The following KDM6A variants were observed in gnomAD, a reference collection of about 807,000 sequenced individuals.
The protein encoded by KDM6A is lysine-specific demethylase 6A.
Under a neutral mutation model 117.6 loss-of-function variants are expected in KDM6A, and 11 were observed. That is an observed-to-expected ratio of 0.09 (90% CI 0.06 to 0.15). The LOEUF is 0.15. KDM6A is among the 10% of genes least tolerant of loss of function. The pLI is 1.00. For missense variants in KDM6A, 799 were observed against 1,077.3 expected, an observed-to-expected ratio of 0.74 and a Z score of 3.62; for synonymous variants, 384 against 396.1, an observed-to-expected ratio of 0.97 and a Z score of 0.36.
intron 3 of KDM6A, among the ~76,000 whole-genome samples, chrX:44,972,747 C>CA (rs1288578975): frequency 9.0e-6 from 1 of 111,009 alleles, no homozygotes; most frequent in Non-Finnish European, 1.9e-5. Context: ...AGAAGTAAAT[C>CA]AAATCAGGCC....
intron 2 of KDM6A, among the ~76,000 whole-genome samples, chrX:44,900,370 C>T: frequency 8.9e-6 from 1 of 111,917 alleles, no homozygotes; most frequent in Admixed American, 9.5e-5. Flanking sequence ...CATTAGTCTT[C>T]CTTAGGCAGG....
intron 18 of KDM6A, among the ~76,000 whole-genome samples, chrX:45,074,135 C>T (rs762357984): frequency 8.9e-4 from 100 of 111,757 alleles, no homozygotes; most frequent in Middle Eastern, 4.7e-3. Context: ...ATAGGGAATC[C>T]TTTCCTCATT....
At chrX:45,052,195 G>A (rs1258586478) in intron 9 of KDM6A, among the ~76,000 whole-genome samples, 1 of 112,075 alleles carries the variant, frequency 8.9e-6, no homozygotes, top group Non-Finnish European at 1.9e-5. Flanking sequence ...AAAAACTGTA[G>A]AACGTCTAAC....
rs759967946 is a variant in KDM6A at position 44,958,388 on chromosome X, T to C, written c.226-2896T>C. The stretch of plus-strand genomic sequence containing the variant: ...TAGTAGAGACACAGTTTCACTGTGA[T>C]AGCCAGGATGGTCTCCATCTCCTGA... On this transcript the variant is annotated intron_variant, in intron 2 of 29. Transcript: ENST00000611820. 4.6e-5 allele frequency among the ~76,000 whole-genome samples: 5 copies of C among 109,460 alleles called. No homozygotes were observed. In the South Asian group the frequency reaches 2.0e-3, roughly 43 times the overall value.
intron 24 of KDM6A, among the ~76,000 whole-genome samples, chrX:45,083,940 A>G (rs2045536220): frequency 8.9e-6 from 1 of 111,918 alleles, no homozygotes; most frequent in Admixed American, 9.5e-5. Context: ...TTTTCTTTTA[A>G]CCCAAGTAAC....
chrX:45,016,231 A>T (rs2041952735), intron 5 of KDM6A, among the ~76,000 whole-genome samples: 1 of 111,276 alleles, frequency 9.0e-6, no homozygotes, highest in African/African-American at 3.3e-5. Flanking sequence ...CCCTTACTTC[A>T]TCAAATGTTT....
At chrX:44,906,094 C>T (rs1177609473) in intron 2 of KDM6A, among the ~76,000 whole-genome samples, 1 of 111,307 alleles carries the variant, frequency 9.0e-6, no homozygotes, top group Non-Finnish European at 1.9e-5. Flanking sequence ...ATTTGATGTC[C>T]CTCAACATTT....
At chrX:44,897,255 A>C (rs1257685179) in intron 2 of KDM6A, among the ~76,000 whole-genome samples, 1 of 91,119 alleles carries the variant, frequency 1.1e-5, no homozygotes, top group African/African-American at 4.3e-5. Flanking sequence ...TCATTCAAAG[A>C]GTTTTTATTT....
In KDM6A at chrX:45,010,946, T is replaced by C. The variant is rs2147586647; in HGVS notation, c.385-15T>C. 8.5e-6 allele frequency: 10 copies of C among 1,174,246 alleles called. No individual in the cohort carries two copies. The highest frequency in any genetic ancestry group is 1.2e-5 in the Non-Finnish European group (10 of 862,552). On this transcript the variant is annotated splice_polypyrimidine_tract_variant and intron_variant, in intron 4 of 29. Coordinates refer to ENST00000611820, the MANE Select transcript of KDM6A (RefSeq NM_001291415.2). ...CAAGTATTTTTCCTAAAAATCTTTT[T>C]CCCTTCCTTTACAGAATGCTGCCTT...
intron 2 of KDM6A, among the ~76,000 whole-genome samples, chrX:44,918,394 A>G (rs1456648616): frequency 1.8e-5 from 2 of 110,966 alleles, no homozygotes; most frequent in African/African-American, 6.5e-5. Flanking sequence ...TTTGCATATT[A>G]TCTCTTTTGG....
chrX:44,973,910 C>A (rs1197261824), intron 3 of KDM6A, among the ~76,000 whole-genome samples: 1 of 110,768 alleles, frequency 9.0e-6, no homozygotes, highest in Non-Finnish European at 1.9e-5. Flanking sequence ...CCTTTTCATC[C>A]CCCTCAATGA....
chrX:45,019,967 G>A (rs1325332733), intron 5 of KDM6A, among the ~76,000 whole-genome samples: 1 of 110,818 alleles, frequency 9.0e-6, no homozygotes, highest in Non-Finnish European at 1.9e-5. Context: ...GAAGAAAAGC[G>A]GAATGGAATA....
At chrX:44,928,258 A>G (rs190257997) in intron 2 of KDM6A, among the ~76,000 whole-genome samples, 2 of 111,985 alleles carry the variant, frequency 1.8e-5, no homozygotes, top group East Asian at 5.6e-4. Flanking sequence ...TTCTTAGGAA[A>G]TGCATGCTGG....
chrX:45,006,166 C>G (rs1411483475), intron 4 of KDM6A, among the ~76,000 whole-genome samples: 2 of 86,722 alleles, frequency 2.3e-5, no homozygotes, highest in Admixed American at 1.2e-4. Context: ...GCCCTGCGCC[C>G]CCCCCCGCCG....
At chrX:45,045,084 T>C (rs2043469214) in intron 8 of KDM6A, among the ~76,000 whole-genome samples, 1 of 112,132 alleles carries the variant, frequency 8.9e-6, no homozygotes, top group Admixed American at 9.5e-5. Flanking sequence ...CATAGGATTT[T>C]ACCATTTTGA....
chrX:44,952,271 C>T (rs1397972204), intron 2 of KDM6A, among the ~76,000 whole-genome samples: 1 of 89,936 alleles, frequency 1.1e-5, no homozygotes, highest in South Asian at 5.0e-4. Flanking sequence ...TTCTACTGAC[C>T]TTTTTTTTTT....
Position 44,873,443 on chromosome X carries a change from G to A in KDM6A, c.-109G>A. 9.4e-7 allele frequency: 1 copy of A among 1,060,279 alleles called. No homozygotes were observed. The highest frequency in any genetic ancestry group is 2.0e-5 in the South Asian group (1 of 50,374). The allele number at this position is 1,060,279 out of a possible 1,213,427, so 87.4% of individuals were successfully genotyped here. ...GCCGCCGCCCGCGGCGGAGGAGGAG[G>A]CGGCGATAAAGTTGGTGTGCTGGTC... On this transcript the variant is annotated 5_prime_UTR_variant, in exon 1 of 30. Transcript: ENST00000611820.
At chrX:45,051,847 A>G (rs766039076) in intron 9 of KDM6A, 45 bp downstream of exon 9, 1 of 757,729 alleles carries the variant, frequency 1.3e-6, no homozygotes, top group South Asian at 2.3e-5. Context: ...GCTTCTCTTT[A>G]TGTTTTTTCC....
intron 8 of KDM6A, among the ~76,000 whole-genome samples, chrX:45,045,588 G>GAAAAAAAAAAAAA (rs569636939): frequency 2.8e-5 from 1 of 35,672 alleles, no homozygotes; most frequent in African/African-American, 8.9e-5. Context: ...TCTGTCTCAA[G>GAAAAAAAAAAAAA]AAAAAAAAAA....
Sources: gnomAD v4.1 joint callset for allele counts (sites outside exome capture counted in the v4.1 genomes callset) on GRCh38, gnomAD v4.1.1 for gene constraint, MANE v1.5 for transcripts, NCBI Gene and HGNC (gene_info 2026-07-23, HGNC 2026-07-21) for gene names.